Variants in GMDS observed in about 807,000 individuals in gnomAD.
GMDS encodes the protein GDP-mannose 4,6-dehydratase, also known as GDP-mannose 4,6 dehydratase.
A neutral mutation model predicts 49.9 loss-of-function variants in GMDS; 20 were observed. The ratio of observed to expected loss-of-function variants is 0.40; its 90% CI spans 0.28 to 0.58. The LOEUF (loss-of-function observed/expected upper bound fraction) is 0.58, where lower values mean the gene tolerates loss of function less well. GMDS is among the 20% of genes least tolerant of loss of function. The probability of loss-of-function intolerance (pLI) is 0.42; values close to 1 mark genes in which losing one functional copy is unlikely to be tolerated. For synonymous variants in GMDS, 177 were observed against 178.6 expected, an observed-to-expected ratio of 0.99 and a Z score of 0.07; for missense variants, 362 against 481.4, an observed-to-expected ratio of 0.75 and a Z score of 2.32.
In GMDS at chr6:1,766,082, C is replaced by T. The variant is rs367703041; in HGVS notation, c.772-23496G>A. Among the ~76,000 whole-genome samples, 20 of 152,236 alleles carry T rather than the reference C, an allele frequency of 1.3e-4. No homozygotes were observed. The highest frequency in any genetic ancestry group is 3.1e-4 in the African/African-American group (13 of 41,534). ...GCAGAGCGGCTGCACTATATGAAAA[C>T]GACACATGTGAAATGGAGGGTGGGT... On this transcript the variant is annotated intron_variant, in intron 7 of 10. Transcript: ENST00000380815. This position sits in a 1 kb window ranked among gnomAD's most constrained non-coding sequence, Gnocchi z 4.5.
chr6:1,826,348 T>C (rs1029703277), intron 7 of GMDS, among the ~76,000 whole-genome samples: 2 of 152,262 alleles, frequency 1.3e-5, no homozygotes, highest in African/African-American at 4.8e-5. Flanking sequence ...TGCACGACTA[T>C]ATCTTTAGTA....
chr6:1,877,324 T>C lies in GMDS; in HGVS notation c.771+52779A>G, dbSNP rs558856003. Among the ~76,000 whole-genome samples, 3 of 152,094 alleles carry C rather than the reference T, an allele frequency of 2.0e-5. No individual in the cohort carries two copies. The South Asian group carries it at 6.2e-4, about 32-fold the overall frequency. Reference sequence around the variant, plus strand: ...CCTTAGATATCCATTAAAAAGTGCATTTTGGAGGAAAAATTTACAATTAAG... The same window carrying C: ...CCTTAGATATCCATTAAAAAGTGCACTTTGGAGGAAAAATTTACAATTAAG... On this transcript the variant is annotated intron_variant, in intron 7 of 10. Transcript: ENST00000380815.
rs376889435 is a variant in GMDS, at chr6:1,624,237, A to G, written c.1057-6T>C. ...ACCATCTCCCTCACCAGCTCCTGCA[A>G]CACAGGGGTGGGCGTGAGGGAGGAG... On this transcript the variant is annotated splice_region_variant and splice_polypyrimidine_tract_variant and intron_variant, in intron 10 of 10. Transcript: ENST00000380815. 2 of 1,610,810 alleles carry G rather than the reference A, an allele frequency of 1.2e-6. No homozygotes were observed. Among genetic ancestry groups the G allele is most frequent in the African/African-American group, 2.7e-5 (2 of 74,894 alleles).
chr6:1,904,379 G>A (rs1760651263), intron 7 of GMDS, among the ~76,000 whole-genome samples: 1 of 152,148 alleles, frequency 6.6e-6, no homozygotes, highest in Non-Finnish European at 1.5e-5. Context: ...GTGGCCGTCT[G>A]TCCTTCCTGA....
intron 9 of GMDS, among the ~76,000 whole-genome samples, chr6:1,718,999 T>A (rs78575052): frequency 3.2e-4 from 48 of 152,292 alleles, no homozygotes; most frequent in African/African-American, 1.1e-3. Context: ...AAGGCATACC[T>A]GATTTACTCA....
intron 7 of GMDS, among the ~76,000 whole-genome samples, chr6:1,823,557 G>C (rs147640876): frequency 1.9e-3 from 292 of 152,250 alleles, no homozygotes; most frequent in Middle Eastern, 0.01. Flanking sequence ...CATGTGTCCT[G>C]AGGATTCCTA....
intron 9 of GMDS, among the ~76,000 whole-genome samples, chr6:1,662,012 C>A (rs571866370): frequency 1.4e-4 from 21 of 152,034 alleles, no homozygotes; most frequent in Non-Finnish European, 3.1e-4. Context: ...GCAGGAGCAC[C>A]GGGAGTCACA....
rs141916605 is a variant in GMDS, at chr6:2,205,618, T to C, written c.102+39703A>G. ...CAAATGCCTACATTCTTACAAGTCC[T>C]GCACAATGCAGCCCTTGCGATATGC... On this transcript the variant is annotated intron_variant, in intron 1 of 10. Coordinates refer to ENST00000380815, the MANE Select transcript of GMDS (RefSeq NM_001500.4). 3.7e-3 allele frequency among the ~76,000 whole-genome samples: 558 copies of C among 152,354 alleles called. 5 individuals carry two copies. The highest frequency in any genetic ancestry group is 0.01 in the Middle Eastern group (3 of 294).
At chr6:1,886,753 T>C (rs1025475780) in intron 7 of GMDS, among the ~76,000 whole-genome samples, 3 of 152,210 alleles carry the variant, frequency 2.0e-5, no homozygotes, top group African/African-American at 7.2e-5. Flanking sequence ...AGAATTAGAT[T>C]TGACTCTTTC....
rs1301214850 is a variant in GMDS at position 2,245,385 on chromosome 6, C to A, written c.38G>T (p.Gly13Val). The A allele has an allele frequency of 1.9e-6, 3 of 1,545,628 alleles. No homozygotes were observed. Among genetic ancestry groups the A allele is most frequent in the Non-Finnish European group, 2.6e-6 (3 of 1,151,448 alleles). ...HAPARCPSAR[G>V]SGDGEMGKPR... ...CTTGCCCATCTCGCCGTCCCCGGAG[C>A]CCCGGGCGCTGGGGCAGCGTGCCGG... is the stretch of plus-strand genomic sequence containing the variant. The change falls in exon 1 of 11, where the codon GGC becomes GTC. Residue 13 changes from glycine to valine, a missense_variant. By Grantham distance (109) the Gly-to-Val change is moderately radical. Transcript: ENST00000380815.
chr6:2,010,337 AAAAG>A (rs1561971517), intron 4 of GMDS, among the ~76,000 whole-genome samples: 3 of 150,930 alleles, frequency 2.0e-5, no homozygotes, highest in Admixed American at 1.3e-4. Context: ...AAAAAAAAAA[AAAAG>A]AAAGAAAGAA....
chr6:1,767,940 G>A (rs868186549), intron 7 of GMDS, among the ~76,000 whole-genome samples: 8 of 151,924 alleles, frequency 5.3e-5, no homozygotes, highest in South Asian at 4.2e-4. Context: ...CTCTCTTCTC[G>A]GTGACAGTTC....
At chr6:1,736,235 A>G (rs1469552308) in intron 8 of GMDS, among the ~76,000 whole-genome samples, 1 of 152,198 alleles carries the variant, frequency 6.6e-6, no homozygotes, top group African/African-American at 2.4e-5. Context: ...CTTATGTTGT[A>G]GTATTTTGTT....
chr6:1,785,734 G>T (rs953395186), intron 7 of GMDS, among the ~76,000 whole-genome samples: 1 of 152,226 alleles, frequency 6.6e-6, no homozygotes, highest in South Asian at 2.1e-4. Flanking sequence ...CCTGATGGGG[G>T]TAGCAAGGCT....
At chr6:1,686,765 C>T (rs1764990711) in intron 9 of GMDS, among the ~76,000 whole-genome samples, 1 of 152,178 alleles carries the variant, frequency 6.6e-6, no homozygotes. Context: ...TGAAATTGAG[C>T]TGCCCAGGTT....
intron 7 of GMDS, among the ~76,000 whole-genome samples, chr6:1,774,449 T>C (rs917181027): frequency 2.6e-5 from 4 of 152,240 alleles, no homozygotes; most frequent in East Asian, 3.8e-4. Flanking sequence ...GGGTCATTCC[T>C]TCACAGCTGC....
intron 4 of GMDS, among the ~76,000 whole-genome samples, chr6:2,082,711 T>C (rs893740239): frequency 5.3e-5 from 8 of 152,244 alleles, no homozygotes; most frequent in African/African-American, 1.9e-4. Flanking sequence ...TAAAGAAATA[T>C]TGCACACTGT....
chr6:1,991,194 T>C (rs1259956877), intron 4 of GMDS, among the ~76,000 whole-genome samples: 1 of 152,142 alleles, frequency 6.6e-6, no homozygotes, highest in Non-Finnish European at 1.5e-5. Context: ...CAGTCTTCCC[T>C]TCTTTCTGCC....
intron 1 of GMDS, among the ~76,000 whole-genome samples, chr6:2,154,863 C>CAAAAAAAAG (rs1777026191): frequency 3.0e-5 from 2 of 65,626 alleles, no homozygotes; most frequent in Non-Finnish European, 5.9e-5. Context: ...TGAAGAGATG[C>CAAAAAAAAG]AAAAAAAAAA....
Sources: allele counts gnomAD v4.1 joint callset (sites outside exome capture counted in the v4.1 genomes callset), GRCh38; gene constraint gnomAD v4.1.1; non-coding constraint Gnocchi (gnomAD v3.1); transcripts MANE v1.5; gene names NCBI Gene and HGNC (gene_info 2026-07-23, HGNC 2026-07-21).